The following SLC12A6 variants were observed in gnomAD, a reference collection of about 807,000 sequenced individuals.
SLC12A6 encodes the protein K-Cl cotransporter 3.
Under a neutral mutation model 135.3 loss-of-function variants are expected in SLC12A6, and 66 were observed. The observed-to-expected ratio is 0.49, with a 90% CI of 0.40 to 0.60. The LOEUF is 0.60. SLC12A6 is among the 20% of genes least tolerant of loss of function. The pLI, the probability that SLC12A6 is intolerant of heterozygous loss-of-function variation, is 0.00. For missense variants in SLC12A6, 1,058 were observed against 1,452.3 expected (o/e 0.73, Z 4.41); for synonymous variants, 513 against 508.8 (o/e 1.01, Z -0.11).
intron 2 of SLC12A6, among the ~76,000 whole-genome samples, chr15:34,329,173 G>A (rs1344429572): frequency 1.3e-5 from 2 of 152,140 alleles, no homozygotes; most frequent in African/African-American, 2.4e-5. Flanking sequence ...GACAGTGCAC[G>A]AGGGCATTAA....
At chr15:34,289,509 G>C (rs926085250) in intron 2 of SLC12A6, among the ~76,000 whole-genome samples, 3 of 152,118 alleles carry the variant, frequency 2.0e-5, no homozygotes, top group African/African-American at 4.8e-5. Context: ...GAGTTATGGA[G>C]GATTCCCTCT....
At chr15:34,248,564 CCACCCACA>C (rs1263935201) in intron 13 of SLC12A6, among the ~76,000 whole-genome samples, 8 of 63,268 alleles carry the variant, frequency 1.3e-4, no homozygotes, top group African/African-American at 3.7e-4. Context: ...ATATACACCC[CCACCCACA>C]CACACACACA....
chr15:34,264,101 T>C (rs1893336732), intron 3 of SLC12A6, among the ~76,000 whole-genome samples: 1 of 152,030 alleles, frequency 6.6e-6, no homozygotes, highest in South Asian at 2.1e-4. Context: ...TTCTTCCTTA[T>C]AGAAGCATTC....
intron 2 of SLC12A6, among the ~76,000 whole-genome samples, chr15:34,318,386 G>A (rs1435633871): frequency 1.3e-5 from 2 of 152,206 alleles, no homozygotes; most frequent in African/African-American, 4.8e-5. Context: ...TCCAGTGTGT[G>A]AGAAAAGTAA....
chr15:34,336,893 A>G, intron 1 of SLC12A6, 141 bp from the exon 2 acceptor site: 1 of 599,764 alleles, frequency 1.7e-6, no homozygotes, highest in South Asian at 2.0e-5. Context: ...AGGTGAATAT[A>G]TTTTTTAAGA....
intron 2 of SLC12A6, among the ~76,000 whole-genome samples, chr15:34,325,908 C>A (rs553507406): frequency 6.6e-6 from 1 of 152,160 alleles, no homozygotes; most frequent in African/African-American, 2.4e-5. Context: ...GATTATACGT[C>A]CAATGCACTA....
rs1318661792 is a variant in SLC12A6 at position 34,231,134 on chromosome 15, C to G, written c.*2747G>C. On this transcript the variant is annotated 3_prime_UTR_variant, in exon 26 of 26. Coordinates refer to ENST00000354181, the MANE Select transcript of SLC12A6 (RefSeq NM_001365088.1). ...TTGGGAGGCCAAGGCGGGCGGATCA[C>G]CTGAGGTTGGGAGTTCGAGACCAGC... The G allele has an allele frequency of 6.6e-6, 1 of 152,208 alleles. No homozygotes were observed. Among genetic ancestry groups the G allele is most frequent in the Non-Finnish European group, 1.5e-5 (1 of 68,148 alleles). The allele number at this position is 152,208 out of a possible 1,614,324, so 9.4% of individuals were successfully genotyped here.
chr15:34,240,104 C>G (rs139411781), intron 19 of SLC12A6, among the ~76,000 whole-genome samples: 22 of 152,010 alleles, frequency 1.4e-4, no homozygotes, highest in African/African-American at 5.3e-4. Context: ...CCCCCCTCCC[C>G]CCACAGTAAA....
chr15:34,318,125 G>A (rs890175659), intron 2 of SLC12A6, among the ~76,000 whole-genome samples: 46 of 151,920 alleles, frequency 3.0e-4, no homozygotes, highest in African/African-American at 1.1e-3. Flanking sequence ...CAAAGTCCAC[G>A]GTACAAAACT....
At chr15:34,261,578 G>A (rs1454412760) in intron 3 of SLC12A6, among the ~76,000 whole-genome samples, 4 of 152,048 alleles carry the variant, frequency 2.6e-5, no homozygotes, top group Admixed American at 6.5e-5. Context: ...GATTACAGGC[G>A]TGAGCCACTT....
At chr15:34,300,903 G>A (rs1896208537) in intron 2 of SLC12A6, among the ~76,000 whole-genome samples, 3 of 151,872 alleles carry the variant, frequency 2.0e-5, no homozygotes, top group African/African-American at 4.8e-5. Flanking sequence ...TTGTTTTAAC[G>A]TTGCTGTGAC....
intron 2 of SLC12A6, among the ~76,000 whole-genome samples, chr15:34,332,601 T>C (rs1250175546): frequency 6.6e-6 from 1 of 152,002 alleles, no homozygotes; most frequent in African/African-American, 2.4e-5. Flanking sequence ...CTGGCCAACA[T>C]GGTGAAACCC....
intron 24 of SLC12A6, 89 bp downstream of exon 24, chr15:34,235,926 A>G: frequency 9.9e-7 from 1 of 1,012,138 alleles, no homozygotes; most frequent in Non-Finnish European, 1.6e-6. Context: ...GGTGAAATGA[A>G]CAGACTCCAT....
At chr15:34,316,832 G>A (rs571424220) in intron 2 of SLC12A6, among the ~76,000 whole-genome samples, 2 of 152,216 alleles carry the variant, frequency 1.3e-5, no homozygotes, top group South Asian at 4.2e-4. Flanking sequence ...AAACAGTAGA[G>A]GTGGTGGAGA....
chr15:34,336,618 C>G lies in SLC12A6; in HGVS notation c.63G>C (p.Lys21Asn), dbSNP rs571064840. 5 of 1,613,468 alleles carry G rather than the reference C, an allele frequency of 3.1e-6. No homozygotes were observed. In the South Asian group the frequency reaches 5.5e-5, roughly 18 times the overall value. ...CTGACAAACCTGGAATGTCATCGAT[C>G]TTTGTCGGTGTCACCATGAACCGAA... ...ASVRFMVTPT[K>N]IDDIPGLSDT... The change falls in exon 2 of 26, where the codon AAG becomes AAC. Residue 21 changes from lysine (K) to asparagine (N), a missense_variant. Around this residue, in one of 6 missense-constraint regions of SLC12A6, gnomAD observed 176 missense variants for 168.9 expected, o/e 1.04. Coordinates refer to ENST00000354181, the MANE Select transcript of SLC12A6 (RefSeq NM_001365088.1).
intron 10 of SLC12A6, among the ~76,000 whole-genome samples, 186 bp from the exon 11 acceptor site, chr15:34,251,243 T>G (rs954995235): frequency 6.6e-5 from 10 of 150,708 alleles, no homozygotes; most frequent in African/African-American, 2.5e-4. Flanking sequence ...AAAACATAGT[T>G]TTTTTTTTGT....
chr15:34,318,593 A>AT (rs1432999196), intron 2 of SLC12A6: 1 of 1,614,016 alleles, frequency 6.2e-7, no homozygotes, highest in Non-Finnish European at 8.5e-7. Flanking sequence ...CCGGGCTTTT[A>AT]TGTCTGCTAA....
chr15:34,278,891 TCCCTA>T (rs1334759070), intron 2 of SLC12A6, among the ~76,000 whole-genome samples: 1 of 138,634 alleles, frequency 7.2e-6, no homozygotes, highest in Admixed American at 7.5e-5. Context: ...TTTGTGTAGT[TCCCTA>T]CAAGTTCAAC....
At chr15:34,286,552 T>C (rs748616027) in intron 2 of SLC12A6, among the ~76,000 whole-genome samples, 1 of 151,802 alleles carries the variant, frequency 6.6e-6, no homozygotes, top group Non-Finnish European at 1.5e-5. Context: ...CCCAGCACTT[T>C]GGGAGGTTGA....
Sources: allele counts gnomAD v4.1 joint callset (sites outside exome capture counted in the v4.1 genomes callset), GRCh38; gene constraint gnomAD v4.1.1; regional missense constraint gnomAD v4.1.1; transcripts MANE v1.5; gene names NCBI Gene and HGNC (gene_info 2026-07-23, HGNC 2026-07-21).